Variants in MCCC2 observed in about 807,000 individuals in gnomAD.
MCCC2 encodes the protein methylcrotonoyl-CoA carboxylase beta chain, mitochondrial.
MCCC2 carries 52 observed loss-of-function variants against 77.2 expected under a neutral mutation model. The ratio of observed to expected loss-of-function variants is 0.67; its 90% CI spans 0.54 to 0.85. MCCC2 has a LOEUF of 0.85. Ranked by LOEUF, MCCC2 falls within the 40% of genes least tolerant of loss-of-function variation. The pLI, the probability that MCCC2 is intolerant of heterozygous loss-of-function variation, is 0.00. For missense variants in MCCC2, 682 were observed against 703.2 expected (o/e 0.97, Z 0.34); for synonymous variants, 253 against 248.4 (o/e 1.02, Z -0.18).
chr5:71,655,081 G>T (rs779831017), intron 16 of MCCC2, among the ~76,000 whole-genome samples: 1 of 152,132 alleles, frequency 6.6e-6, no homozygotes, highest in Non-Finnish European at 1.5e-5. Context: ...TGATCCACCC[G>T]CCTCGGCTTC....
chr5:71,640,163 C>A (rs917747873), intron 10 of MCCC2, among the ~76,000 whole-genome samples: 1 of 152,230 alleles, frequency 6.6e-6, no homozygotes, highest in Non-Finnish European at 1.5e-5. Flanking sequence ...TTCAAGTATA[C>A]CAGATTCAGA....
chr5:71,595,399 A>G, intron 2 of MCCC2, among the ~76,000 whole-genome samples: 1 of 141,940 alleles, frequency 7.0e-6, no homozygotes, highest in East Asian at 2.2e-4. Context: ...ACTGCACTCC[A>G]GCCTGGGTGA....
intron 11 of MCCC2, among the ~76,000 whole-genome samples, chr5:71,642,373 G>C (rs1173311158): frequency 6.6e-6 from 1 of 152,154 alleles, no homozygotes; most frequent in Non-Finnish European, 1.5e-5. Flanking sequence ...AGTTCCTCAG[G>C]GTTTCCTCCT....
In MCCC2 at chr5:71,650,059, C is replaced by T. The variant is rs766032118; in HGVS notation, c.1374-10C>T. ...ACTTAATTTGTTTATTCTTCCTTTTCTTCCCCCAGCCCAAGATTTCTCTAC... is the reference window on the plus strand; with the variant it reads ...ACTTAATTTGTTTATTCTTCCTTTTTTTCCCCCAGCCCAAGATTTCTCTAC... On this transcript the variant is annotated splice_polypyrimidine_tract_variant and intron_variant, in intron 14 of 16. Transcript: ENST00000340941. 2.6e-4 allele frequency: 423 copies of T among 1,606,364 alleles called. 3 individuals are homozygous for T. The highest frequency in any genetic ancestry group is 3.2e-4 in the Non-Finnish European group (380 of 1,173,010).
intron 8 of MCCC2, among the ~76,000 whole-genome samples, chr5:71,634,042 T>C (rs935443938): frequency 3.9e-5 from 6 of 152,228 alleles, no homozygotes; most frequent in Non-Finnish European, 7.3e-5. Context: ...CTCTAAGATA[T>C]GTCTCCCAAG....
chr5:71,602,086 CA>C (rs892495993), intron 4 of MCCC2, among the ~76,000 whole-genome samples: 3 of 151,918 alleles, frequency 2.0e-5, no homozygotes, highest in African/African-American at 7.3e-5. Context: ...TTCATTTTTG[CA>C]AAATACCCTC....
intron 1 of MCCC2, among the ~76,000 whole-genome samples, chr5:71,589,984 T>C (rs1236093455): frequency 6.6e-6 from 1 of 152,122 alleles, no homozygotes; most frequent in African/African-American, 2.4e-5. Flanking sequence ...GTTGAAAAGA[T>C]GGGGTGGGAA....
At chr5:71,611,428 A>C (rs1745940229) in intron 6 of MCCC2, among the ~76,000 whole-genome samples, 1 of 152,228 alleles carries the variant, frequency 6.6e-6, no homozygotes, top group Admixed American at 6.5e-5. Context: ...AGAAAAGTTC[A>C]TTATAGCATT....
At chr5:71,618,534 TTCCTTCCTTCCTTC>T (rs1561835169) in intron 6 of MCCC2, among the ~76,000 whole-genome samples, 360 of 62,056 alleles carry the variant, frequency 5.8e-3, no homozygotes, top group African/African-American at 0.016. Context: ...CCTTCCTTCC[TTCCTTCCTTCCTTC>T]CTTTCTTTCT....
At chr5:71,598,665 AG>A (rs1745293297) in intron 3 of MCCC2, among the ~76,000 whole-genome samples, 1 of 138,148 alleles carries the variant, frequency 7.2e-6, no homozygotes, top group Admixed American at 8.0e-5. Context: ...CATGTTATCC[AG>A]GCTGGTCTCA....
Position 71,650,123 on chromosome 5 carries a change from G to A in MCCC2, c.1428G>A (p.Glu476=). The part of the protein sequence containing the change: ...PNARISVMGG[E]QAANVLATIT... The stretch of plus-strand genomic sequence containing the variant: ...CTCGTATCTCAGTGATGGGAGGAGA[G>A]CAGGCAGCCAATGTGTTGGCCACGA... The change falls in exon 15 of 17, where the codon GAG becomes GAA. Residue 476 remains glutamate (E), a synonymous_variant. Coordinates refer to ENST00000340941, the MANE Select transcript of MCCC2 (RefSeq NM_022132.5). The A allele has an allele frequency of 6.2e-7, 1 of 1,614,204 alleles. No homozygotes were observed.
At position 71,658,432 on chromosome 5, in the gene MCCC2, A is replaced by G. The variant is rs1417574077; in HGVS notation, c.*1572A>G. 1.3e-5 allele frequency: 2 copies of G among 152,186 alleles called. No individual in the cohort carries two copies. The highest frequency in any genetic ancestry group is 1.9e-4 in the East Asian group (1 of 5,200). The allele number at this position is 152,186 out of a possible 1,614,324, so 9.4% of individuals were successfully genotyped here. A position where few individuals can be genotyped will look rare whatever the true frequency, so the allele number is the denominator to read the frequency against. On this transcript the variant is annotated 3_prime_UTR_variant, in exon 17 of 17. Transcript: ENST00000340941. ...TCCCTACTCTATGCTCTTGTAAAAC[A>G]CTATCTACTTCCTTTGTCATAAACT...
Position 71,652,681 on chromosome 5 carries a change from G to A in MCCC2, c.1501G>A (p.Asp501Asn), listed in dbSNP as rs1391085331. 3 of 1,614,130 alleles carry A rather than the reference G, an allele frequency of 1.9e-6. No individual in the cohort carries two copies. Among genetic ancestry groups the A allele is most frequent in the South Asian group, 2.2e-5 (2 of 91,084 alleles). The part of the protein sequence containing the change: ...AREGKQFSSA[D>N]EAALKEPIIK... ...TCTTTTCCTTTAGTTCTCCAGTGCTGATGAAGCGGCTTTAAAAGAGCCCAT... is the reference window on the plus strand; with the variant it reads ...TCTTTTCCTTTAGTTCTCCAGTGCTAATGAAGCGGCTTTAAAAGAGCCCAT... The change falls in exon 16 of 17, where the codon GAT becomes AAT. Residue 501 changes from aspartate to asparagine, a missense_variant. Physicochemically the swap from Asp to Asn is conservative, Grantham distance 23 (BLOSUM62 1). Coordinates refer to ENST00000340941, the MANE Select transcript of MCCC2 (RefSeq NM_022132.5).
At chr5:71,643,726 G>C in intron 11 of MCCC2, 93 bp from the exon 12 acceptor site, 1 of 1,610,522 alleles carries the variant, frequency 6.2e-7, no homozygotes, top group Non-Finnish European at 8.5e-7. Context: ...ACTTGGATCT[G>C]ATATTAAAGA....
chr5:71,617,406 A>G (rs943956226), intron 6 of MCCC2, among the ~76,000 whole-genome samples: 1 of 152,226 alleles, frequency 6.6e-6, no homozygotes, highest in Non-Finnish European at 1.5e-5. Context: ...TATCTGGACT[A>G]ATTTCCTCTA....
chr5:71,635,370 A>G (rs1746881004), intron 10 of MCCC2, 124 bp downstream of exon 10: 1 of 851,786 alleles, frequency 1.2e-6, no homozygotes, highest in South Asian at 1.4e-5. Flanking sequence ...GATCTCAGTA[A>G]GGAGTGACAT....
intron 13 of MCCC2, among the ~76,000 whole-genome samples, chr5:71,648,656 C>T (rs1211389969): frequency 6.6e-6 from 1 of 152,132 alleles, no homozygotes; most frequent in African/African-American, 2.4e-5. Flanking sequence ...GCTTCTTTGA[C>T]ATCATCTCCT....
At position 71,632,264 on chromosome 5, in the gene MCCC2, T is replaced by C; in HGVS notation, c.803+79T>C. On this transcript the variant is annotated intron_variant, in intron 8 of 16. Transcript: ENST00000340941. ...GTTTAAAAGAAGTTTTACGTATTTG[T>C]TTCCAGTGCTAAACTTGCCAGACCA... 2.1e-5 allele frequency: 29 copies of C among 1,387,166 alleles called. No individual in the cohort carries two copies. In the South Asian group the frequency reaches 3.4e-4, roughly 16 times the overall value. The allele number at this position is 1,387,166 out of a possible 1,614,324, so 85.9% of individuals were successfully genotyped here. A position where few individuals can be genotyped will look rare whatever the true frequency, so the allele number is the denominator to read the frequency against.
In MCCC2 at chr5:71,592,994, T is replaced by C. The variant is rs764166415; in HGVS notation, c.196+2T>C. On this transcript the variant is annotated splice_donor_variant, in intron 2 of 16. Coordinates refer to ENST00000340941, the MANE Select transcript of MCCC2 (RefSeq NM_022132.5). LOFTEE classifies it high-confidence loss of function. ...AACGAGTGGAGCATATAAAACTAGG[T>C]AAACACAGCATTTATTCCACAGCTT... 6.2e-7 allele frequency: 1 copy of C among 1,610,018 alleles called. No individual in the cohort carries two copies. Among genetic ancestry groups the C allele is most frequent in the Non-Finnish European group, 8.5e-7 (1 of 1,176,380 alleles).
Sources: allele counts gnomAD v4.1 joint callset (sites outside exome capture counted in the v4.1 genomes callset), GRCh38; gene constraint gnomAD v4.1.1; transcripts MANE v1.5; gene names NCBI Gene and HGNC (gene_info 2026-07-23, HGNC 2026-07-21).